Variants in ASAP1 observed in about 807,000 individuals in gnomAD.
ASAP1 encodes ArfGAP with SH3 domain, ankyrin repeat and PH domain 1.
ASAP1 carries 43 observed loss-of-function variants against 145.2 expected under a neutral mutation model. That is an observed-to-expected ratio of 0.30 (90% CI 0.23 to 0.38). The LOEUF (loss-of-function observed/expected upper bound fraction) is 0.38. ASAP1 is among the 10% of genes least tolerant of loss of function. The pLI is 1.00. For synonymous variants in ASAP1, 546 were observed against 515.5 expected (o/e 1.06, Z -0.80); for missense variants, 1,018 against 1,355.3 (o/e 0.75, Z 3.91).
intron 11 of ASAP1, among the ~76,000 whole-genome samples, chr8:130,166,764 A>C (rs1238548674): frequency 6.6e-6 from 1 of 152,306 alleles, no homozygotes; most frequent in Middle Eastern, 3.4e-3. Context: ...TCTGTACTGC[A>C]TTCATCCAGC....
At chr8:130,110,018 C>A (rs562520865) in intron 24 of ASAP1, among the ~76,000 whole-genome samples, 78 of 152,240 alleles carry the variant, frequency 5.1e-4, no homozygotes, top group African/African-American at 1.6e-3. Context: ...GTTGCTGTGG[C>A]CAAGTCTCAA....
intron 21 of ASAP1, 41 bp downstream of exon 21, chr8:130,116,839 C>T: frequency 6.3e-7 from 1 of 1,579,530 alleles, no homozygotes; most frequent in Non-Finnish European, 8.7e-7. Flanking sequence ...CCATGCAACA[C>T]ACGCTTACTA....
At chr8:130,329,332 C>A (rs1824535030) in intron 3 of ASAP1, among the ~76,000 whole-genome samples, 1 of 152,184 alleles carries the variant, frequency 6.6e-6, no homozygotes, top group African/African-American at 2.4e-5. Flanking sequence ...GATGAAGATA[C>A]AACAAAGCTT....
chr8:130,181,433 C>T (rs1814350473), intron 7 of ASAP1, among the ~76,000 whole-genome samples: 1 of 152,094 alleles, frequency 6.6e-6, no homozygotes, highest in African/African-American at 2.4e-5. Context: ...TGAGGCTTTC[C>T]TTGAATATCG....
At chr8:130,361,353 C>T (rs1204010970) in intron 2 of ASAP1, among the ~76,000 whole-genome samples, 2 of 152,148 alleles carry the variant, frequency 1.3e-5, no homozygotes, top group Admixed American at 1.3e-4. Flanking sequence ...CCACAGATTC[C>T]TCCCAGCAGG....
intron 20 of ASAP1, among the ~76,000 whole-genome samples, chr8:130,117,668 C>G (rs914453588): frequency 2.0e-5 from 3 of 152,186 alleles, no homozygotes; most frequent in Non-Finnish European, 4.4e-5. Flanking sequence ...AGCTATTGAT[C>G]CAGCCACACA....
At chr8:130,246,451 C>T (rs1818859588) in intron 3 of ASAP1, among the ~76,000 whole-genome samples, 1 of 152,114 alleles carries the variant, frequency 6.6e-6, no homozygotes, top group Non-Finnish European at 1.5e-5. Context: ...GTGACTGGAT[C>T]ATGGGGGTGG....
intron 3 of ASAP1, among the ~76,000 whole-genome samples, chr8:130,298,895 C>T (rs1026957868): frequency 6.6e-6 from 1 of 152,110 alleles, no homozygotes; most frequent in African/African-American, 2.4e-5. Context: ...TATGTCTGCC[C>T]GACCAGATTA....
In ASAP1 at chr8:130,300,216, C is replaced by T. The variant is rs189217100; in HGVS notation, c.186+57801G>A. On this transcript the variant is annotated intron_variant, in intron 3 of 29. Transcript: ENST00000518721. ...GCGAGCGAGCAGTCAATACAAAAGG[C>T]TTCTAAGGTCCCAGAATTTCACAGT... Among the ~76,000 whole-genome samples the T allele has an allele frequency of 1.4e-4, 20 of 143,482 alleles. 1 individual carries two copies. In the East Asian group the frequency reaches 2.4e-3, roughly 17 times the overall value. 94.1% of individuals were successfully genotyped at this position (143,482 alleles called of 152,430 possible). A position where few individuals can be genotyped will look rare whatever the true frequency, so the allele number is the denominator to read the frequency against.
At chr8:130,129,766 T>C (rs1352947944) in intron 15 of ASAP1, among the ~76,000 whole-genome samples, 1 of 152,136 alleles carries the variant, frequency 6.6e-6, no homozygotes, top group Non-Finnish European at 1.5e-5. Flanking sequence ...GCGCTCACCT[T>C]CAGTATGTTG....
chr8:130,079,592 C>T (rs1400947880), intron 26 of ASAP1, among the ~76,000 whole-genome samples: 3 of 152,196 alleles, frequency 2.0e-5, no homozygotes, highest in African/African-American at 7.2e-5. Context: ...AATAAAAACT[C>T]ATTCTGACAG....
At chr8:130,134,789 G>T (rs563820121) in intron 14 of ASAP1, among the ~76,000 whole-genome samples, 2 of 152,264 alleles carry the variant, frequency 1.3e-5, no homozygotes, top group African/African-American at 2.4e-5. Flanking sequence ...AGCTAATTCA[G>T]TATTTTCTGT....
At chr8:130,062,031 C>T (rs1564915819) in intron 27 of ASAP1, among the ~76,000 whole-genome samples, 2 of 152,218 alleles carry the variant, frequency 1.3e-5, no homozygotes, top group Admixed American at 6.5e-5. Flanking sequence ...ATGCAGATTA[C>T]ATGGGTTAAT....
At chr8:130,181,797 C>T (rs1814375915) in intron 7 of ASAP1, among the ~76,000 whole-genome samples, 2 of 152,164 alleles carry the variant, frequency 1.3e-5, no homozygotes, top group South Asian at 4.1e-4. Flanking sequence ...GCCTGCTTTC[C>T]AAAAATCATT....
intron 27 of ASAP1, among the ~76,000 whole-genome samples, chr8:130,064,892 AATGTGTGT>A (rs1362485246): frequency 1.9e-5 from 2 of 105,938 alleles, no homozygotes; most frequent in Non-Finnish European, 3.9e-5. Flanking sequence ...GTTTACTAAG[AATGTGTGT>A]GTGTGTGTGT....
intron 1 of ASAP1, among the ~76,000 whole-genome samples, chr8:130,408,171 C>T (rs1829115222): frequency 1.3e-5 from 2 of 152,226 alleles, no homozygotes; most frequent in Non-Finnish European, 2.9e-5. Flanking sequence ...ATAACCATAG[C>T]AACCCCTTAT....
chr8:130,106,899 T>C (rs1367501503), intron 24 of ASAP1, among the ~76,000 whole-genome samples: 1 of 152,076 alleles, frequency 6.6e-6, no homozygotes, highest in Non-Finnish European at 1.5e-5. Context: ...GCCCTGAGAG[T>C]GGGAGGTACT....
chr8:130,125,072 T>C (rs959795153), intron 17 of ASAP1, among the ~76,000 whole-genome samples: 7 of 152,198 alleles, frequency 4.6e-5, no homozygotes, highest in African/African-American at 1.2e-4. Flanking sequence ...CTGCCCTTTT[T>C]GGTTAAGGCT....
chr8:130,266,046 C>T (rs1274239873), intron 3 of ASAP1, among the ~76,000 whole-genome samples: 1 of 152,146 alleles, frequency 6.6e-6, no homozygotes, highest in Non-Finnish European at 1.5e-5. Flanking sequence ...GGTTTCAACA[C>T]TCTTGCAGAG....
Sources: allele counts gnomAD v4.1 joint callset (sites outside exome capture counted in the v4.1 genomes callset), GRCh38; gene constraint gnomAD v4.1.1; transcripts MANE v1.5; gene names NCBI Gene and HGNC (gene_info 2026-07-23, HGNC 2026-07-21).